DNAH17: variants seen among roughly 807,000 people sequenced by gnomAD.
The protein encoded by DNAH17 is dynein axonemal heavy chain 17, also known as axonemal beta dynein heavy chain 17.
In DNAH17, 376 loss-of-function variants were observed where a neutral mutation model predicts 485.6. The observed-to-expected ratio is 0.77, with a 90% confidence interval of 0.71 to 0.84. DNAH17 has a LOEUF of 0.84. DNAH17 is among the 40% of genes least tolerant of loss of function. The probability of loss-of-function intolerance (pLI) is 0.00; values close to 1 mark genes in which losing one functional copy is unlikely to be tolerated. For missense variants in DNAH17, 6,370 were observed against 5,839.3 expected, an observed-to-expected ratio of 1.09 and a Z score of -2.96; for synonymous variants, 3,031 against 2,405.9, an observed-to-expected ratio of 1.26 and a Z score of -7.60.
chr17:78,491,946 T>G (rs929024834), intron 42 of DNAH17, among the ~76,000 whole-genome samples: 1 of 152,128 alleles, frequency 6.6e-6, no homozygotes, highest in African/African-American at 2.4e-5. Context: ...GCACGCTTCA[T>G]GCGTCAGGCA....
intron 54 of DNAH17, among the ~76,000 whole-genome samples, chr17:78,472,312 G>GTTAGGGTTAGGGAGTGGGGGTGCGAGGA (rs2088796867): frequency 1.4e-5 from 2 of 139,396 alleles, no homozygotes; most frequent in African/African-American, 6.7e-5. Flanking sequence ...GGGTGCGAGG[G>GTTAGGGTTAGGGAGTGGGGGTGCGAGGA]TTAGGGTTAG....
In DNAH17 at chr17:78,492,748, G is replaced by C. The variant is rs375261667; in HGVS notation, c.6426C>G (p.Asn2142Lys). Reference protein sequence around the residue: ...SGKSQVLKSLNKTYQNLKRKP... With the variant: ...SGKSQVLKSLKKTYQNLKRKP... ...TCCTCTTCAGGTTCTGATAGGTCTT[G>C]TTGAGGGATTTGAGGACCTGGCGAA... Residue 2142 changes from asparagine (N) to lysine (K), a missense_variant, in exon 42 of 81, where the codon AAC becomes AAG. Coordinates refer to ENST00000389840, the MANE Select transcript of DNAH17 (RefSeq NM_173628.4). 4.1e-5 allele frequency: 66 copies of C among 1,611,852 alleles called. No individual in the cohort carries two copies. In the African/African-American group the frequency reaches 8.3e-4, roughly 20 times the overall value.
At chr17:78,564,567 G>C (rs924626762) in intron 11 of DNAH17, among the ~76,000 whole-genome samples, 5 of 151,956 alleles carry the variant, frequency 3.3e-5, no homozygotes, top group African/African-American at 1.2e-4. Flanking sequence ...CTTCTGCGCT[G>C]GGGCAGTCCT....
rs532102090 is a variant in DNAH17, at chr17:78,507,653, C to T, written c.4389G>A (p.Lys1463=). 3 of 1,613,960 alleles carry T rather than the reference C, an allele frequency of 1.9e-6. No homozygotes were observed. The highest frequency in any genetic ancestry group is 2.5e-6 in the Non-Finnish European group (3 of 1,180,016). ...CCTCCTTCAGGAAGTGGGCCAGGTA[C>T]TTGGACATCATCAGGTTCTGCAGCT... The part of the protein sequence containing the change: ...QVQLQNLMMS[K]YLAHFLKEVT... The change falls in exon 28 of 81, where the codon AAG becomes AAA. Residue 1463 remains lysine, a synonymous_variant. Coordinates refer to ENST00000389840, the MANE Select transcript of DNAH17 (RefSeq NM_173628.4).
intron 25 of DNAH17, among the ~76,000 whole-genome samples, chr17:78,523,111 C>T (rs2090975855): frequency 6.6e-6 from 1 of 152,180 alleles, no homozygotes. Flanking sequence ...CTGCCTCGGC[C>T]TCCCAAAGTG....
Position 78,543,964 on chromosome 17 carries a change from CCTTT to C in DNAH17, c.2421_2424del (p.Lys808ThrfsTer8), listed in dbSNP as rs1568229777. On this transcript the variant is annotated frameshift_variant, in exon 17 of 81. Transcript: ENST00000389840. LOFTEE classifies it high-confidence loss of function. ...TCTAACAGGGCCTCTTTCTTATTGT[CCTTT>C]CTTTCAAACAGCGGGTTGGCCGACC... The C allele has an allele frequency of 6.2e-7, 1 of 1,614,032 alleles. No homozygotes were observed. Among genetic ancestry groups the C allele is most frequent in the Non-Finnish European group, 8.5e-7 (1 of 1,179,894 alleles).
intron 71 of DNAH17, among the ~76,000 whole-genome samples, chr17:78,441,626 C>G (rs1211871849): frequency 6.6e-6 from 1 of 152,200 alleles, no homozygotes; most frequent in Non-Finnish European, 1.5e-5. Context: ...CCAACTCTTT[C>G]TAACATGACC....
intron 25 of DNAH17, among the ~76,000 whole-genome samples, chr17:78,517,819 G>A (rs2090829005): frequency 1.3e-5 from 2 of 152,076 alleles, no homozygotes; most frequent in Admixed American, 6.6e-5. Flanking sequence ...GAAAAACCTT[G>A]GACATATCAC....
chr17:78,523,818 A>G (rs2090994998), intron 25 of DNAH17, among the ~76,000 whole-genome samples: 1 of 152,240 alleles, frequency 6.6e-6, no homozygotes, highest in Non-Finnish European at 1.5e-5. Flanking sequence ...GAGAGGCAGG[A>G]GGATTGCTCG....
rs201559797 is a variant in DNAH17, at chr17:78,558,036, CACAA to C, written c.2178+68_2178+71del. ...CAGGAAGAGCCACATCTCTGAAACA[CACAA>C]ACAAACTTGACAAAAAACCAAAACA... On this transcript the variant is annotated intron_variant, in intron 14 of 80. Coordinates refer to ENST00000389840, the MANE Select transcript of DNAH17 (RefSeq NM_173628.4). 0.024 allele frequency: 35,730 copies of C among 1,514,936 alleles called. 1,191 individuals are homozygous for C. The highest frequency in any genetic ancestry group is 0.16 in the African/African-American group (11,559 of 71,974). The allele number at this position is 1,514,936 out of a possible 1,614,324, so 93.8% of individuals were successfully genotyped here.
chr17:78,524,965 T>C, intron 25 of DNAH17, 44 bp downstream of exon 25: 1 of 1,575,744 alleles, frequency 6.3e-7, no homozygotes. Context: ...GGCAGCTCCC[T>C]GCAGAATCCC....
Position 78,526,727 on chromosome 17 carries a change from T to A in DNAH17, c.3635A>T (p.His1212Leu). The A allele has an allele frequency of 6.2e-7, 1 of 1,607,728 alleles. No homozygotes were observed. The highest frequency in any genetic ancestry group is 8.5e-7 in the Non-Finnish European group (1 of 1,175,382). The change falls in exon 24 of 81, where the codon CAT becomes CTT. Residue 1212 changes from histidine to leucine, a missense_variant. Physicochemically the swap from His to Leu is moderately conservative, Grantham distance 99. Coordinates refer to ENST00000389840, the MANE Select transcript of DNAH17 (RefSeq NM_173628.4). ...GCGCCTGAACCTCTCCCTGAACTCA[T>A]GTTGCTTGAGCTGCGAGAGAAGAGT... ...RKCQQFELKQ[H>L]EFRERFRREA... is the part of the protein sequence containing the mutation.
At position 78,479,098 on chromosome 17, in the gene DNAH17, G is replaced by A. The variant is rs202080844; in HGVS notation, c.7919C>T (p.Thr2640Met). 359 of 1,613,830 alleles carry A rather than the reference G, an allele frequency of 2.2e-4. No homozygotes were observed. Among genetic ancestry groups the A allele is most frequent in the Middle Eastern group, 4.9e-4 (3 of 6,084 alleles). Reference sequence around the variant, plus strand: ...AATGGCCGTGGGAAGAAATGTTGCCGTGATTTTCTGATGCAAAGCTGTTAG... The same window carrying A: ...AATGGCCGTGGGAAGAAATGTTGCCATGATTTTCTGATGCAAAGCTGTTAG... ...AAALALHQKI[T>M]ATFLPTAIKF... Residue 2640 changes from threonine to methionine, a missense_variant, in exon 51 of 81, where the codon ACG becomes ATG. Transcript: ENST00000389840.
At chr17:78,522,760 A>G (rs755677299) in intron 25 of DNAH17, 16 of 223,276 alleles carry the variant, frequency 7.2e-5, no homozygotes, top group South Asian at 2.4e-4. Context: ...ATAATGCCGA[A>G]AAAGTGGTGG....
chr17:78,543,277 G>A (rs2091652091), intron 17 of DNAH17, among the ~76,000 whole-genome samples: 1 of 121,444 alleles, frequency 8.2e-6, no homozygotes, highest in Admixed American at 8.7e-5. Flanking sequence ...AACGTGCCCG[G>A]TTAATTTTTG....
rs1369839499 is a variant in DNAH17, at chr17:78,449,458, A to T, written c.11167T>A (p.Phe3723Ile). The part of the protein sequence containing the change: ...SVYMYTARGL[F>I]ERDKLIFLAQ... ...AGGAAAATGAGTTTGTCCCTCTCGA[A>T]GAGTCCCCGGGCCGTGTACATGTAG... The change falls in exon 69 of 81, where the codon TTC (phenylalanine) becomes ATC (isoleucine). Residue 3723 changes from phenylalanine to isoleucine, a missense_variant. Transcript: ENST00000389840. 1.3e-6 allele frequency: 2 copies of T among 1,555,068 alleles called. No homozygotes were observed. Among genetic ancestry groups the T allele is most frequent in the East Asian group, 4.8e-5 (2 of 41,356 alleles).
rs375154691 is a variant in DNAH17 at position 78,485,983 on chromosome 17, G to A, written c.7252C>T (p.Leu2418=). 27 of 1,612,928 alleles carry A rather than the reference G, an allele frequency of 1.7e-5. No individual in the cohort carries two copies. The highest frequency in any genetic ancestry group is 2.5e-6 in the Non-Finnish European group (3 of 1,179,840). ...ACCTGCAGTGGGACATCGGGATCCA[G>A]CTCAAAGGAGGGCACTTTATCTGTC... ...PWTDKVPSFE[L]DPDVPLQASL... The change falls in exon 46 of 81, where the codon CTG becomes TTG. Residue 2418 remains leucine, a synonymous_variant. Transcript: ENST00000389840.
At chr17:78,484,095 C>CAAAAAAA (rs11290299) in intron 48 of DNAH17, among the ~76,000 whole-genome samples, 21 of 38,402 alleles carry the variant, frequency 5.5e-4, no homozygotes, top group African/African-American at 2.4e-3. Context: ...GATTTCTCCT[C>CAAAAAAA]AAAAAAAAAA....
At chr17:78,479,172 T>A in intron 50 of DNAH17, 56 bp from the exon 51 acceptor site, 2 of 1,558,372 alleles carry the variant, frequency 1.3e-6, no homozygotes, top group African/African-American at 1.4e-5. Flanking sequence ...CCCCAGGAAG[T>A]GCAAGCCTCA....
Sources: gnomAD v4.1 joint callset for allele counts (sites outside exome capture counted in the v4.1 genomes callset) on GRCh38, gnomAD v4.1.1 for gene constraint, MANE v1.5 for transcripts, NCBI Gene and HGNC (gene_info 2026-07-23, HGNC 2026-07-21) for gene names.